SLC24A4: variants seen among roughly 807,000 people sequenced by gnomAD.
SLC24A4 encodes the protein sodium/potassium/calcium exchanger 4.
Under a neutral mutation model 79.0 loss-of-function variants are expected in SLC24A4, and 53 were observed. That is an observed-to-expected ratio of 0.67 (90% CI 0.54 to 0.84). The LOEUF (loss-of-function observed/expected upper bound fraction) is 0.84, where lower values mean the gene tolerates loss of function less well. Among genes scored for constraint, SLC24A4 ranks in the 40% least tolerant of loss-of-function variants. The pLI, the probability that SLC24A4 is intolerant of heterozygous loss-of-function variation, is 0.00. For synonymous variants in SLC24A4, 323 were observed against 323.8 expected, an observed-to-expected ratio of 1.00 and a Z score of 0.03; for missense variants, 731 against 822.0, an observed-to-expected ratio of 0.89 and a Z score of 1.35.
At position 92,325,994 on chromosome 14, in the gene SLC24A4, TTCTCCACTCAG is replaced by T; in HGVS notation, c.241+20_241+30del. The T allele has an allele frequency of 6.4e-7, 1 of 1,552,220 alleles. No individual in the cohort carries two copies. Among genetic ancestry groups the T allele is most frequent in the Non-Finnish European group, 8.9e-7 (1 of 1,126,604 alleles). ...ACAGATCCTGGTAAGAAATCAATTCTTCTCCACTCAGTCTACTAAGATGTTTGGCCTGGCCT... is the reference window on the plus strand; with the variant it reads ...ACAGATCCTGGTAAGAAATCAATTCTTCTACTAAGATGTTTGGCCTGGCCT... On this transcript the variant is annotated intron_variant, in intron 2 of 16. Coordinates refer to ENST00000532405, the MANE Select transcript of SLC24A4 (RefSeq NM_153646.4).
rs1487848965 is a variant in SLC24A4 at position 92,325,912 on chromosome 14, T to A, written c.175T>A (p.Trp59Arg). 6.2e-7 allele frequency: 1 copy of A among 1,612,760 alleles called. No individual in the cohort carries two copies. ...TAGCAAACGTGTCCTGCCAGACACG[T>A]GGAGAAATAGAAAGTTGATGGCCCC... is the stretch of plus-strand genomic sequence containing the variant. ...SASKRVLPDT[W>R]RNRKLMAPVN... is the part of the protein sequence containing the mutation. Residue 59 changes from tryptophan (W) to arginine (R), a missense_variant, in exon 2 of 17, where the codon TGG (tryptophan) becomes AGG (arginine). By Grantham distance (101) the Trp-to-Arg change is moderately radical. Coordinates refer to ENST00000532405, the MANE Select transcript of SLC24A4 (RefSeq NM_153646.4).
intron 4 of SLC24A4, among the ~76,000 whole-genome samples, chr14:92,440,472 A>G (rs1162411779): frequency 1.3e-5 from 2 of 152,132 alleles, no homozygotes; most frequent in Non-Finnish European, 2.9e-5. Context: ...GCCCTTGGGA[A>G]GGATACAGTC....
chr14:92,459,646 C>G (rs1369206026), intron 12 of SLC24A4, among the ~76,000 whole-genome samples: 2 of 152,144 alleles, frequency 1.3e-5, no homozygotes, highest in East Asian at 3.9e-4. Context: ...GGATGTGTTT[C>G]CAGGTGTTGT....
intron 2 of SLC24A4, among the ~76,000 whole-genome samples, chr14:92,355,735 G>A (rs1443675132): frequency 6.6e-6 from 1 of 152,316 alleles, no homozygotes; most frequent in East Asian, 1.9e-4. Flanking sequence ...GGATCTGCCT[G>A]CATTCTGTAG....
At chr14:92,366,105 C>T (rs907025115) in intron 2 of SLC24A4, among the ~76,000 whole-genome samples, 11 of 152,226 alleles carry the variant, frequency 7.2e-5, no homozygotes, top group Non-Finnish European at 1.0e-4. Context: ...ATTGTGGTGC[C>T]GGGAAGCCAA....
chr14:92,491,603 GA>G, intron 14 of SLC24A4, 61 bp from the exon 15 acceptor site: 1 of 1,138,910 alleles, frequency 8.8e-7, no homozygotes, highest in Non-Finnish European at 1.3e-6. Context: ...ACAGTTAGGA[GA>G]AAGAATACAG....
chr14:92,487,601 C>T lies in SLC24A4; in HGVS notation c.1537+821C>T, dbSNP rs936704672. On this transcript the variant is annotated intron_variant, in intron 14 of 16. Coordinates refer to ENST00000532405, the MANE Select transcript of SLC24A4 (RefSeq NM_153646.4). ...GAAGAGTGGAAGTACGTTTGCTGGT[C>T]GGCAGGGCCCTGACAGCGAATGGGG... Among the ~76,000 whole-genome samples, 5 of 152,196 alleles carry T rather than the reference C, an allele frequency of 3.3e-5. No homozygotes were observed. In the East Asian group the frequency reaches 7.7e-4, roughly 24 times the overall value.
chr14:92,334,148 G>C (rs576487262), intron 2 of SLC24A4, among the ~76,000 whole-genome samples: 1 of 152,180 alleles, frequency 6.6e-6, no homozygotes, highest in Non-Finnish European at 1.5e-5. Flanking sequence ...TTTTAAAGTC[G>C]TTATGTAAAA....
intron 2 of SLC24A4, among the ~76,000 whole-genome samples, chr14:92,364,927 G>T (rs1595169175): frequency 1.3e-5 from 2 of 152,306 alleles, no homozygotes; most frequent in African/African-American, 2.4e-5. Flanking sequence ...CCTGCTTGTG[G>T]TCCCAAAGGT....
intron 2 of SLC24A4, among the ~76,000 whole-genome samples, chr14:92,360,208 C>A (rs1202667418): frequency 6.6e-6 from 1 of 152,236 alleles, no homozygotes; most frequent in African/African-American, 2.4e-5. Context: ...AGGCATGAGC[C>A]ACTGCGCCTA....
chr14:92,431,299 A>G (rs1891856277), intron 2 of SLC24A4, among the ~76,000 whole-genome samples: 1 of 152,140 alleles, frequency 6.6e-6, no homozygotes, highest in South Asian at 2.1e-4. Flanking sequence ...TGTGATCTCC[A>G]TTCGTAGGTG....
chr14:92,406,382 T>C (rs1890377408), intron 2 of SLC24A4, among the ~76,000 whole-genome samples: 1 of 152,190 alleles, frequency 6.6e-6, no homozygotes, highest in Non-Finnish European at 1.5e-5. Flanking sequence ...GTGACCCTCT[T>C]CTCACAGCTC....
At chr14:92,343,580 TTTTC>T (rs376436087) in intron 2 of SLC24A4, among the ~76,000 whole-genome samples, 2,932 of 84,860 alleles carry the variant, frequency 0.035, 284 homozygotes, top group African/African-American at 0.076. Flanking sequence ...TTAATTACTG[TTTTC>T]TTTCTTTCTT....
intron 2 of SLC24A4, among the ~76,000 whole-genome samples, chr14:92,359,982 G>A (rs1010089976): frequency 3.9e-5 from 6 of 152,164 alleles, no homozygotes; most frequent in Non-Finnish European, 8.8e-5. Flanking sequence ...GCAGTGGTGC[G>A]ATCTTGGCTC....
chr14:92,446,466 A>G (rs1281707416), intron 8 of SLC24A4, among the ~76,000 whole-genome samples: 2 of 152,186 alleles, frequency 1.3e-5, no homozygotes, highest in African/African-American at 2.4e-5. Flanking sequence ...GAGTCAGACA[A>G]TCAGGCCGAG....
At chr14:92,352,143 G>A (rs1886931307) in intron 2 of SLC24A4, among the ~76,000 whole-genome samples, 1 of 152,130 alleles carries the variant, frequency 6.6e-6, no homozygotes, top group Non-Finnish European at 1.5e-5. Flanking sequence ...AAAGTAGGGG[G>A]TTTGCCAGGG....
chr14:92,419,814 A>C (rs1227839327), intron 2 of SLC24A4, among the ~76,000 whole-genome samples: 2 of 152,192 alleles, frequency 1.3e-5, no homozygotes, highest in African/African-American at 4.8e-5. Context: ...ATGAGGGCTG[A>C]GTTGTTTTTC....
At chr14:92,377,603 C>G (rs1224159789) in intron 2 of SLC24A4, among the ~76,000 whole-genome samples, 2 of 152,108 alleles carry the variant, frequency 1.3e-5, no homozygotes, top group Non-Finnish European at 2.9e-5. Flanking sequence ...CTCAGAGGGA[C>G]CTCATATGCC....
intron 12 of SLC24A4, among the ~76,000 whole-genome samples, chr14:92,458,922 G>A (rs1325219720): frequency 2.0e-5 from 3 of 152,204 alleles, no homozygotes; most frequent in Non-Finnish European, 4.4e-5. Flanking sequence ...AAACAGCCGA[G>A]CTTATGAGGG....
Sources: allele counts gnomAD v4.1 joint callset (sites outside exome capture counted in the v4.1 genomes callset), GRCh38; gene constraint gnomAD v4.1.1; transcripts MANE v1.5; gene names NCBI Gene and HGNC (gene_info 2026-07-23, HGNC 2026-07-21).